Variants in GRM8 observed in about 807,000 individuals in gnomAD.
GRM8 encodes the protein metabotropic glutamate receptor 8.
A neutral mutation model predicts 87.2 loss-of-function variants in GRM8; 47 were observed. The ratio of observed to expected loss-of-function variants is 0.54; its 90% CI spans 0.43 to 0.69. The LOEUF is 0.69. Ranked by LOEUF, GRM8 falls within the 30% of genes least tolerant of loss-of-function variation. The pLI, the probability that GRM8 is intolerant of heterozygous loss-of-function variation, is 0.00. For synonymous variants in GRM8, 396 were observed against 404.5 expected, an observed-to-expected ratio of 0.98 and a Z score of 0.25; for missense variants, 1,019 against 1,139.2, an observed-to-expected ratio of 0.89 and a Z score of 1.52.
intron 8 of GRM8, among the ~76,000 whole-genome samples, chr7:126,548,172 G>A (rs1817377319): frequency 6.6e-6 from 1 of 152,074 alleles, no homozygotes; most frequent in Admixed American, 6.6e-5. Flanking sequence ...GTCGTGGGGT[G>A]GAGGGATGAG....
chr7:126,479,928 T>G (rs1292816299), intron 9 of GRM8, among the ~76,000 whole-genome samples: 1 of 152,140 alleles, frequency 6.6e-6, no homozygotes, highest in African/African-American at 2.4e-5. Context: ...TCTATCTATT[T>G]TCATTTATGA....
chr7:127,045,965 G>A (rs1048301542), intron 3 of GRM8, among the ~76,000 whole-genome samples: 8 of 152,158 alleles, frequency 5.3e-5, no homozygotes, highest in African/African-American at 1.9e-4. Context: ...TTCACAAAAT[G>A]TTTTAATTGA....
intron 7 of GRM8, among the ~76,000 whole-genome samples, chr7:126,626,732 A>G (rs1372777238): frequency 2.0e-5 from 3 of 152,196 alleles, no homozygotes; most frequent in Non-Finnish European, 4.4e-5. Flanking sequence ...AAAATGTAGA[A>G]CAATCTGGCT....
chr7:126,958,634 G>A (rs1218211373), intron 3 of GRM8, among the ~76,000 whole-genome samples: 1 of 152,120 alleles, frequency 6.6e-6, no homozygotes, highest in Non-Finnish European at 1.5e-5. Context: ...AGCGTGGGCC[G>A]AGCTCAGCCT....
rs550648994 is a variant in GRM8, at chr7:127,005,994, C to T, written c.727+100502G>A. 2.0e-5 allele frequency among the ~76,000 whole-genome samples: 3 copies of T among 151,940 alleles called. No individual in the cohort carries two copies. In the South Asian group the frequency reaches 6.2e-4, roughly 32 times the overall value. ...CCCACTCTCTCAAAAATTTGTTTTACGTATTTTCCTCTGGCCTCAAAGCCT... is the reference window on the plus strand; with the variant it reads ...CCCACTCTCTCAAAAATTTGTTTTATGTATTTTCCTCTGGCCTCAAAGCCT... On this transcript the variant is annotated intron_variant, in intron 3 of 10. Transcript: ENST00000339582.
chr7:126,756,781 T>C (rs1817055069), intron 7 of GRM8, among the ~76,000 whole-genome samples: 1 of 152,088 alleles, frequency 6.6e-6, no homozygotes, highest in Non-Finnish European at 1.5e-5. Context: ...AGGTGGAGGA[T>C]AGAGGACTTT....
At chr7:127,226,596 C>A (rs1208615775) in intron 2 of GRM8, among the ~76,000 whole-genome samples, 1 of 152,178 alleles carries the variant, frequency 6.6e-6, no homozygotes, top group African/African-American at 2.4e-5. Flanking sequence ...AAGAGCAGAA[C>A]TGGCACTTGT....
At chr7:126,670,003 A>G (rs576445683) in intron 7 of GRM8, among the ~76,000 whole-genome samples, 1 of 152,340 alleles carries the variant, frequency 6.6e-6, no homozygotes, top group African/African-American at 2.4e-5. Context: ...GTTTTTCTGT[A>G]AATTGAACAT....
chr7:126,756,297 GAAAACTATT>G (rs1817003993), intron 7 of GRM8, among the ~76,000 whole-genome samples: 1 of 151,980 alleles, frequency 6.6e-6, no homozygotes, highest in Non-Finnish European at 1.5e-5. Context: ...ATGTAAAAGG[GAAAACTATT>G]AAAACTATTA....
At chr7:126,791,476 T>G (rs1207897132) in intron 6 of GRM8, among the ~76,000 whole-genome samples, 1 of 152,236 alleles carries the variant, frequency 6.6e-6, no homozygotes, top group Non-Finnish European at 1.5e-5. Context: ...CCAGGTAGGC[T>G]GCCAACTTGA....
intron 2 of GRM8, among the ~76,000 whole-genome samples, chr7:127,224,113 C>T (rs1797160848): frequency 6.6e-6 from 1 of 151,948 alleles, no homozygotes; most frequent in Non-Finnish European, 1.5e-5. Flanking sequence ...TCATCTGACT[C>T]CCAGAAGGAG....
intron 9 of GRM8, among the ~76,000 whole-genome samples, chr7:126,528,899 T>A (rs1437598105): frequency 6.6e-6 from 1 of 152,170 alleles, no homozygotes; most frequent in East Asian, 1.9e-4. Context: ...GAGCTTATGC[T>A]CTTTCTTACT....
intron 9 of GRM8, among the ~76,000 whole-genome samples, chr7:126,483,471 C>T (rs543156023): frequency 1.0e-3 from 118 of 117,318 alleles, no homozygotes; most frequent in Middle Eastern, 6.4e-3. Flanking sequence ...CTCCCTCCCT[C>T]CCTTCCTTCC....
At position 126,838,426 on chromosome 7, in the gene GRM8, T is replaced by C. The variant is rs187027112; in HGVS notation, c.1156+64116A>G. ...AAACTCTGGGGTTTTTGCACTTATA[T>C]GCAGAGTTTCCTGGAATTAAAGAGT... On this transcript the variant is annotated intron_variant, in intron 6 of 10. Coordinates refer to ENST00000339582, the MANE Select transcript of GRM8 (RefSeq NM_000845.3). Among the ~76,000 whole-genome samples the C allele has an allele frequency of 4.4e-4, 67 of 152,302 alleles. 1 individual carries two copies. The highest frequency in any genetic ancestry group is 1.5e-3 in the African/African-American group (61 of 41,566).
intron 2 of GRM8, among the ~76,000 whole-genome samples, chr7:127,168,880 G>A (rs1270984969): frequency 6.6e-6 from 1 of 151,912 alleles, no homozygotes; most frequent in African/African-American, 2.4e-5. Context: ...GCCAGGGGAG[G>A]GATAGCATTA....
intron 3 of GRM8, among the ~76,000 whole-genome samples, chr7:127,002,258 A>C (rs958386032): frequency 1.3e-5 from 2 of 151,634 alleles, no homozygotes; most frequent in African/African-American, 2.4e-5. Context: ...TACATTATAT[A>C]CTTGCTGAGG....
chr7:127,070,455 A>G (rs942069762), intron 3 of GRM8, among the ~76,000 whole-genome samples: 13 of 152,262 alleles, frequency 8.5e-5, no homozygotes, highest in African/African-American at 3.1e-4. Context: ...AGCTTTGAAC[A>G]GTAAAAATGA....
intron 7 of GRM8, among the ~76,000 whole-genome samples, chr7:126,626,934 T>C (rs1039863057): frequency 3.9e-5 from 6 of 152,226 alleles, no homozygotes; most frequent in African/African-American, 1.4e-4. Context: ...GGAGAATTTA[T>C]AAAATCTGTA....
chr7:126,552,445 T>C (rs1464859298), intron 8 of GRM8, among the ~76,000 whole-genome samples: 1 of 152,136 alleles, frequency 6.6e-6, no homozygotes, highest in Non-Finnish European at 1.5e-5. Flanking sequence ...TTTGTAAGTA[T>C]TAGGAAATAA....
Sources: allele counts gnomAD v4.1 joint callset (sites outside exome capture counted in the v4.1 genomes callset), GRCh38; gene constraint gnomAD v4.1.1; transcripts MANE v1.5; gene names NCBI Gene and HGNC (gene_info 2026-07-23, HGNC 2026-07-21).